Variants in TRAPPC12 observed in about 807,000 individuals in gnomAD.
TRAPPC12 encodes the protein trafficking protein particle complex subunit 12.
Under a neutral mutation model 69.2 loss-of-function variants are expected in TRAPPC12, and 61 were observed. That is an observed-to-expected ratio of 0.88 (90% CI 0.72 to 1.09). The LOEUF (loss-of-function observed/expected upper bound fraction) is 1.09. Among genes scored for constraint, TRAPPC12 ranks in the 50% least tolerant of loss-of-function variants. The pLI is 0.00. For synonymous variants in TRAPPC12, 469 were observed against 438.9 expected, an observed-to-expected ratio of 1.07 and a Z score of -0.86; for missense variants, 1,101 against 1,016.4, an observed-to-expected ratio of 1.08 and a Z score of -1.13.
intron 8 of TRAPPC12, chr2:3,463,048 G>A (rs1665595862): frequency 2.2e-6 from 1 of 446,864 alleles, no homozygotes; most frequent in African/African-American, 2.0e-5. Flanking sequence ...TGAAGATTGA[G>A]CTAAAATAGA....
At chr2:3,404,566 G>A (rs1661623317) in intron 3 of TRAPPC12, among the ~76,000 whole-genome samples, 1 of 152,140 alleles carries the variant, frequency 6.6e-6, no homozygotes, top group South Asian at 2.1e-4. Context: ...GAACTGGGAG[G>A]TGACATGTCA....
At chr2:3,407,619 G>A (rs146181079) in intron 3 of TRAPPC12, among the ~76,000 whole-genome samples, 1 of 152,004 alleles carries the variant, frequency 6.6e-6, no homozygotes, top group Non-Finnish European at 1.5e-5. Context: ...TGGCTAACAC[G>A]GTGAAACCCC....
intron 8 of TRAPPC12, among the ~76,000 whole-genome samples, chr2:3,464,631 G>A (rs950788545): frequency 5.9e-5 from 9 of 152,346 alleles, no homozygotes; most frequent in Non-Finnish European, 1.2e-4. Flanking sequence ...AGGGCCTGCC[G>A]CACACAGCTC....
chr2:3,400,784 C>T (rs1439819924), intron 2 of TRAPPC12, among the ~76,000 whole-genome samples: 2 of 152,158 alleles, frequency 1.3e-5, no homozygotes, highest in Non-Finnish European at 2.9e-5. Flanking sequence ...TAACTTCAGG[C>T]CCTTCCCTGG....
intron 5 of TRAPPC12, among the ~76,000 whole-genome samples, chr2:3,427,847 C>G (rs1033150409): frequency 6.6e-6 from 1 of 151,578 alleles, no homozygotes; most frequent in African/African-American, 2.4e-5. Context: ...GAGCCAAGAT[C>G]ATACCACTGC....
At chr2:3,420,630 C>A (rs1444945329) in intron 3 of TRAPPC12, among the ~76,000 whole-genome samples, 1 of 152,312 alleles carries the variant, frequency 6.6e-6, no homozygotes, top group East Asian at 1.9e-4. Flanking sequence ...GCCCCCCACA[C>A]CGCCGCTGTG....
intron 5 of TRAPPC12, among the ~76,000 whole-genome samples, chr2:3,439,743 G>C (rs1412571789): frequency 2.0e-5 from 3 of 152,036 alleles, no homozygotes; most frequent in Non-Finnish European, 2.9e-5. Flanking sequence ...TTTTGGTGTT[G>C]TATCTAAAAG....
At chr2:3,464,936 G>A (rs2103151782) in intron 8 of TRAPPC12, among the ~76,000 whole-genome samples, 1 of 152,362 alleles carries the variant, frequency 6.6e-6, no homozygotes, top group African/African-American at 2.4e-5. Flanking sequence ...ATCCAGCAAA[G>A]GCCTTTGGCA....
chr2:3,448,055 C>T (rs1020126082), intron 6 of TRAPPC12, among the ~76,000 whole-genome samples: 3 of 152,332 alleles, frequency 2.0e-5, no homozygotes, highest in South Asian at 2.1e-4. Flanking sequence ...GGTGCAGTCA[C>T]GTGTTAACGC....
At position 3,443,895 on chromosome 2, in the gene TRAPPC12, G is replaced by A; in HGVS notation, c.1530+4G>A. The A allele has an allele frequency of 6.2e-7, 1 of 1,610,522 alleles. No homozygotes were observed. Among genetic ancestry groups the A allele is most frequent in the Non-Finnish European group, 8.5e-7 (1 of 1,177,154 alleles). ...GGTGAAGACTGTCTGCAGCAAGGTA[G>A]GTGGCGCTGTCATTCTTCCCTGCCA... On this transcript the variant is annotated splice_donor_region_variant and intron_variant, in intron 6 of 11. Coordinates refer to ENST00000324266, the MANE Select transcript of TRAPPC12 (RefSeq NM_016030.6).
At chr2:3,396,815 GCTTTA>G (rs768153324) in intron 2 of TRAPPC12, among the ~76,000 whole-genome samples, 18 of 151,870 alleles carry the variant, frequency 1.2e-4, no homozygotes, top group Non-Finnish European at 2.5e-4. Flanking sequence ...TCATTTTCAA[GCTTTA>G]CTTTAAACTC....
In TRAPPC12 at chr2:3,457,698, G is replaced by C. The variant is rs747491323; in HGVS notation, c.1603+5G>C. 22 of 1,609,356 alleles carry C rather than the reference G, an allele frequency of 1.4e-5. No individual in the cohort carries two copies. The highest frequency in any genetic ancestry group is 7.7e-5 in the South Asian group (7 of 91,010). On this transcript the variant is annotated splice_donor_5th_base_variant and intron_variant, in intron 7 of 11. Coordinates refer to ENST00000324266, the MANE Select transcript of TRAPPC12 (RefSeq NM_016030.6). ...TGACTCAGGAGGGCAGACAAGGTGGGTCGGCCGGACTTTGCTGACTAGATG... is the reference window on the plus strand; with the variant it reads ...TGACTCAGGAGGGCAGACAAGGTGGCTCGGCCGGACTTTGCTGACTAGATG...
At chr2:3,459,980 G>A (rs1346025175) in intron 7 of TRAPPC12, 1 of 529,624 alleles carries the variant, frequency 1.9e-6, no homozygotes, top group African/African-American at 2.0e-5. Flanking sequence ...GGGGCCCCCG[G>A]TCGGACCATT....
chr2:3,409,670 A>C lies in TRAPPC12; in HGVS notation c.1164+7777A>C, dbSNP rs112019731. 7.9e-3 allele frequency among the ~76,000 whole-genome samples: 1,154 copies of C among 146,240 alleles called. 21 individuals carry two copies. Among genetic ancestry groups the C allele is most frequent in the African/African-American group, 0.027 (1,075 of 39,906 alleles). On this transcript the variant is annotated intron_variant, in intron 3 of 11. Transcript: ENST00000324266. The stretch of plus-strand genomic sequence containing the variant: ...GAAGCTGAGGTGGGAGGATTGCCAG[A>C]GCCCAGGCCGTGGAGGCTGCAGTGA...
At chr2:3,474,519 C>T (rs541528384) in intron 9 of TRAPPC12, among the ~76,000 whole-genome samples, 5 of 152,300 alleles carry the variant, frequency 3.3e-5, no homozygotes, top group South Asian at 4.1e-4. Context: ...ACCTTGACAG[C>T]GCCCAAGGAG....
intron 2 of TRAPPC12, 187 bp downstream of exon 2, chr2:3,388,857 A>G (rs1330040275): frequency 8.7e-6 from 5 of 573,592 alleles, no homozygotes; most frequent in Admixed American, 3.5e-5. Flanking sequence ...CCAACAGAAC[A>G]TATTTAATGG....
At position 3,383,871 on chromosome 2, in the gene TRAPPC12, G is replaced by GT. The variant is rs34956958; in HGVS notation, c.-4-3708dup. On this transcript the variant is annotated intron_variant, in intron 1 of 11. Transcript: ENST00000324266. ...TATTCCCTTGTGATAGTTCAGTCTT[G>GT]TTTTTTTTTTTTTTTTTTTTTTTTT... Among the ~76,000 whole-genome samples the GT allele has an allele frequency of 3.0e-4, 26 of 85,588 alleles. 3 individuals carry two copies. The highest frequency in any genetic ancestry group is 4.5e-4 in the Admixed American group (3 of 6,644). The allele number at this position is 85,588 out of a possible 152,430, so 56.1% of individuals were successfully genotyped here.
At chr2:3,426,353 C>T (rs990646456) in intron 5 of TRAPPC12, among the ~76,000 whole-genome samples, 3 of 152,248 alleles carry the variant, frequency 2.0e-5, no homozygotes, top group African/African-American at 7.2e-5. Flanking sequence ...ACCACTATCA[C>T]TCTCGGACGT....
chr2:3,448,964 G>A (rs1466767919), intron 6 of TRAPPC12, among the ~76,000 whole-genome samples: 1 of 152,182 alleles, frequency 6.6e-6, no homozygotes, highest in Non-Finnish European at 1.5e-5. Flanking sequence ...ATTTTTATAT[G>A]GGGCCCAGTT....
Sources: gnomAD v4.1 joint callset for allele counts (sites outside exome capture counted in the v4.1 genomes callset) on GRCh38, gnomAD v4.1.1 for gene constraint, MANE v1.5 for transcripts, NCBI Gene and HGNC (gene_info 2026-07-23, HGNC 2026-07-21) for gene names.